The following KANSL1L variants were observed in gnomAD, a reference collection of about 807,000 sequenced individuals.
KANSL1L encodes the protein KAT8 regulatory NSL complex subunit 1-like protein.
Under a neutral mutation model 108.6 loss-of-function variants are expected in KANSL1L, and 25 were observed. The ratio of observed to expected loss-of-function variants is 0.23; its 90% confidence interval spans 0.17 to 0.32. The LOEUF (loss-of-function observed/expected upper bound fraction) is 0.32. Among genes scored for constraint, KANSL1L ranks in the 10% least tolerant of loss-of-function variants. KANSL1L has a pLI of 1.00. For synonymous variants in KANSL1L, 405 were observed against 395.1 expected, an observed-to-expected ratio of 1.03 and a Z score of -0.30; for missense variants, 1,137 against 1,125.7, an observed-to-expected ratio of 1.01 and a Z score of -0.14.
intron 1 of KANSL1L, among the ~76,000 whole-genome samples, chr2:210,160,688 A>G (rs1001063484): frequency 5.9e-5 from 9 of 152,228 alleles, no homozygotes; most frequent in African/African-American, 2.2e-4. Context: ...GCATTACACT[A>G]TGTTCACAGA....
intron 5 of KANSL1L, among the ~76,000 whole-genome samples, chr2:210,082,964 G>A (rs1372180979): frequency 6.6e-6 from 1 of 152,142 alleles, no homozygotes; most frequent in Non-Finnish European, 1.5e-5. Flanking sequence ...ACCTCAGAAT[G>A]TAACATTATT....
intron 6 of KANSL1L, among the ~76,000 whole-genome samples, chr2:210,062,324 T>C (rs934715741): frequency 2.6e-5 from 4 of 152,218 alleles, no homozygotes; most frequent in South Asian, 2.1e-4. Context: ...CGTGGAACCG[T>C]AGTCTATTAA....
intron 3 of KANSL1L, among the ~76,000 whole-genome samples, chr2:210,113,269 C>T (rs1415169443): frequency 1.3e-5 from 2 of 152,038 alleles, no homozygotes; most frequent in Non-Finnish European, 2.9e-5. Context: ...ACATTAAAAG[C>T]AGGACATTTT....
chr2:210,027,937 A>C (rs1341649895), intron 11 of KANSL1L, among the ~76,000 whole-genome samples: 2 of 152,224 alleles, frequency 1.3e-5, no homozygotes, highest in Admixed American at 6.5e-5. Flanking sequence ...TTAATACCTC[A>C]AAGTAATTAT....
chr2:210,167,262 C>CATA (rs1688039625), intron 1 of KANSL1L, among the ~76,000 whole-genome samples: 1 of 151,960 alleles, frequency 6.6e-6, no homozygotes. Context: ...CAATAACTGG[C>CATA]ATAACTAGGA....
Position 210,040,491 on chromosome 2 carries a change from T to C in KANSL1L, c.1958A>G (p.Lys653Arg), listed in dbSNP as rs374957200. 27 of 1,566,112 alleles carry C rather than the reference T, an allele frequency of 1.7e-5. 1 individual carries two copies. The highest frequency in any genetic ancestry group is 1.6e-4 in the African/African-American group (12 of 72,918). Residue 653 changes from lysine (K) to arginine (R), a missense_variant, in exon 8 of 15, where the codon AAA (lysine) becomes AGA (arginine). Physicochemically the swap from Lys to Arg is conservative, Grantham distance 26. Transcript: ENST00000281772. ...AAGATTGCCTTTTATTTCAGTCTTT[T>C]TTAACAGTGTTTCAAAGTGAAAATG... ...PLHFHFETLL[K>R]KTEIKGNLAE...
Position 210,144,302 on chromosome 2 carries a change from T to C in KANSL1L, c.1088+9193A>G, listed in dbSNP as rs987862938. On this transcript the variant is annotated intron_variant, in intron 2 of 14. Coordinates refer to ENST00000281772, the MANE Select transcript of KANSL1L (RefSeq NM_152519.4). ...TAATATGTTGTAGTGTGGTCTTTGG[T>C]TTGAAAATGACTGGAGAACTTTGAC... Among the ~76,000 whole-genome samples the C allele has an allele frequency of 3.3e-5, 5 of 152,276 alleles. No homozygotes were observed. In the East Asian group the frequency reaches 5.8e-4, roughly 18 times the overall value.
intron 6 of KANSL1L, among the ~76,000 whole-genome samples, chr2:210,067,345 T>C (rs2094473576): frequency 6.6e-6 from 1 of 152,158 alleles, no homozygotes; most frequent in African/African-American, 2.4e-5. Flanking sequence ...CCTTTGTGTG[T>C]ATATGTATTC....
intron 8 of KANSL1L, among the ~76,000 whole-genome samples, chr2:210,036,800 AC>A (rs943111718): frequency 6.6e-6 from 1 of 152,124 alleles, no homozygotes; most frequent in Non-Finnish European, 1.5e-5. Context: ...TTTGTCACCC[AC>A]CCTGAGGTGC....
At chr2:210,098,312 TTTTA>T in intron 4 of KANSL1L, 105 bp from the exon 5 acceptor site, 5 of 1,007,240 alleles carry the variant, frequency 5.0e-6, no homozygotes, top group Non-Finnish European at 7.3e-6. Context: ...ACACACATGT[TTTTA>T]TTTTAGTAAA....
intron 9 of KANSL1L, 139 bp downstream of exon 9, chr2:210,031,282 T>C: frequency 1.7e-6 from 1 of 596,054 alleles, no homozygotes; most frequent in South Asian, 2.1e-5. Context: ...ATATGCTGTT[T>C]CATGTTTGTA....
At chr2:210,170,893 C>T (rs1688298545) in intron 1 of KANSL1L, among the ~76,000 whole-genome samples, 1 of 151,812 alleles carries the variant, frequency 6.6e-6, no homozygotes, top group Non-Finnish European at 1.5e-5. Flanking sequence ...TCCCTAGACC[C>T]CTTCCCTCCC....
upstream of KANSL1L, among the ~76,000 whole-genome samples, chr2:210,172,468 G>A (rs2125702879): frequency 6.6e-6 from 1 of 152,300 alleles, no homozygotes; most frequent in East Asian, 1.9e-4. Context: ...AACTGGAATT[G>A]GAAAATTAGC....
At chr2:210,049,057 G>A (rs1343493662) in intron 6 of KANSL1L, among the ~76,000 whole-genome samples, 1 of 152,172 alleles carries the variant, frequency 6.6e-6, no homozygotes, top group African/African-American at 2.4e-5. Context: ...GTAGATCTGA[G>A]TTCTAGTTCA....
chr2:210,120,854 T>A lies in KANSL1L; in HGVS notation c.1230+8177A>T, dbSNP rs866048840. Among the ~76,000 whole-genome samples the A allele has an allele frequency of 5.9e-5, 9 of 152,192 alleles. 1 individual carries two copies. The Middle Eastern group carries it at 0.027, about 460-fold the overall frequency. ...GGGCAAAGGACATGAAAAGACACTTTTCAACAGAAGACATACATGCGGCCA... is the reference window on the plus strand; with the variant it reads ...GGGCAAAGGACATGAAAAGACACTTATCAACAGAAGACATACATGCGGCCA... On this transcript the variant is annotated intron_variant, in intron 3 of 14. Coordinates refer to ENST00000281772, the MANE Select transcript of KANSL1L (RefSeq NM_152519.4).
intron 3 of KANSL1L, among the ~76,000 whole-genome samples, chr2:210,109,192 A>T (rs2094880951): frequency 1.3e-5 from 2 of 152,236 alleles, no homozygotes; most frequent in South Asian, 2.1e-4. Flanking sequence ...TTAAAGTATA[A>T]TTTTTTAAAA....
chr2:210,091,899 C>A (rs987514956), intron 5 of KANSL1L, among the ~76,000 whole-genome samples: 14 of 152,088 alleles, frequency 9.2e-5, no homozygotes, highest in African/African-American at 3.4e-4. Context: ...AATGTTTGTC[C>A]TTCACACTCA....
intron 5 of KANSL1L, among the ~76,000 whole-genome samples, chr2:210,077,778 T>A (rs139402842): frequency 9.3e-4 from 142 of 152,298 alleles, no homozygotes; most frequent in African/African-American, 3.3e-3. Flanking sequence ...CAGTTGTTAA[T>A]GAGATGTTAG....
intron 8 of KANSL1L, among the ~76,000 whole-genome samples, chr2:210,033,444 A>G (rs899513115): frequency 1.3e-5 from 2 of 152,244 alleles, no homozygotes; most frequent in African/African-American, 2.4e-5. Context: ...AGCAAATCAT[A>G]GACAATTAAC....
Sources: gnomAD v4.1 joint callset for allele counts (sites outside exome capture counted in the v4.1 genomes callset) on GRCh38, gnomAD v4.1.1 for gene constraint, MANE v1.5 for transcripts, NCBI Gene and HGNC (gene_info 2026-07-23, HGNC 2026-07-21) for gene names.